The following TMEM232 variants were observed in gnomAD, a reference collection of about 807,000 sequenced individuals.
TMEM232 encodes the protein transmembrane protein 232.
A neutral mutation model predicts 78.8 loss-of-function variants in TMEM232; 80 were observed. The observed-to-expected ratio is 1.01, with a 90% CI of 0.85 to 1.22. TMEM232 has a LOEUF of 1.22. TMEM232 is among the 50% of genes most tolerant of loss of function. The pLI is 0.00. For synonymous variants in TMEM232, 297 were observed against 254.3 expected (o/e 1.17, Z -1.60); for missense variants, 881 against 742.2 (o/e 1.19, Z -2.17).
intron 10 of TMEM232, among the ~76,000 whole-genome samples, chr5:110,590,137 T>TA (rs1182242521): frequency 6.6e-6 from 1 of 152,092 alleles, no homozygotes; most frequent in Admixed American, 6.6e-5. Flanking sequence ...TTCTATTCAA[T>TA]AAAAAACCAC....
chr5:110,519,011 A>G (rs935365482), intron 12 of TMEM232, among the ~76,000 whole-genome samples: 2 of 152,196 alleles, frequency 1.3e-5, no homozygotes, highest in African/African-American at 4.8e-5. Flanking sequence ...AAAAAATTCA[A>G]ATACACAAAA....
chr5:110,494,318 ATAGAT>A (rs1230028781), intron 12 of TMEM232, among the ~76,000 whole-genome samples: 1 of 152,190 alleles, frequency 6.6e-6, no homozygotes, highest in African/African-American at 2.4e-5. Context: ...AATGAAAAGA[ATAGAT>A]ATTCCAGAAG....
rs1397761114 is a variant in TMEM232 at position 110,476,381 on chromosome 5, AT to A, written c.1704-51466del. Among the ~76,000 whole-genome samples the A allele has an allele frequency of 2.6e-5, 4 of 151,948 alleles. No individual in the cohort carries two copies. The East Asian group carries it at 5.8e-4, about 22-fold the overall frequency. On this transcript the variant is annotated intron_variant, in intron 12 of 13. Coordinates refer to ENST00000455884, the MANE Select transcript of TMEM232 (RefSeq NM_001039763.4). Reference sequence around the variant, plus strand: ...TGAGGGGTACAGCCAGAAGGCAGCTATTTTACAAGTCAAAGAAAAGGACTCC... The same window carrying A: ...TGAGGGGTACAGCCAGAAGGCAGCTATTTACAAGTCAAAGAAAAGGACTCC...
At chr5:110,677,978 T>G (rs1415023015) in intron 1 of TMEM232, among the ~76,000 whole-genome samples, 4 of 148,712 alleles carry the variant, frequency 2.7e-5, no homozygotes, top group Non-Finnish European at 5.9e-5. Context: ...GAAAGATTAC[T>G]GGTCACATTA....
At chr5:110,428,993 T>A (rs565301962) in intron 12 of TMEM232, among the ~76,000 whole-genome samples, 1 of 151,794 alleles carries the variant, frequency 6.6e-6, no homozygotes, top group Non-Finnish European at 1.5e-5. Flanking sequence ...GGGACTGAGA[T>A]TACATTGAAG....
intron 8 of TMEM232, among the ~76,000 whole-genome samples, chr5:110,615,425 G>A (rs1257135382): frequency 2.0e-5 from 3 of 151,802 alleles, no homozygotes. Flanking sequence ...TCAAAACTGT[G>A]ATCCTCTTTA....
intron 2 of TMEM232, among the ~76,000 whole-genome samples, chr5:110,398,616 G>A (rs190133834): frequency 3.9e-5 from 6 of 152,274 alleles, no homozygotes; most frequent in Admixed American, 3.9e-4. Context: ...CAATGAGATT[G>A]TAAAGGGTAT....
chr5:110,618,324 C>A, intron 8 of TMEM232, 105 bp downstream of exon 8: 1 of 1,389,994 alleles, frequency 7.2e-7, no homozygotes, highest in South Asian at 1.4e-5. Context: ...AAATTTGTTT[C>A]ATAGTCAACT....
rs555784735 is a variant in TMEM232 at position 110,464,815 on chromosome 5, T to C, written c.1704-39899A>G. Among the ~76,000 whole-genome samples the C allele has an allele frequency of 2.6e-5, 4 of 152,320 alleles. No homozygotes were observed. In the South Asian group the frequency reaches 8.3e-4, roughly 32 times the overall value. On this transcript the variant is annotated intron_variant, in intron 12 of 13. Coordinates refer to ENST00000455884, the MANE Select transcript of TMEM232 (RefSeq NM_001039763.4). ...CATAAATCTATGATCTAGCTATCAATCTATGTATCTATCTGTGTATCTATC... is the reference window on the plus strand; with the variant it reads ...CATAAATCTATGATCTAGCTATCAACCTATGTATCTATCTGTGTATCTATC...
intron 12 of TMEM232, among the ~76,000 whole-genome samples, chr5:110,463,571 A>C (rs1761761532): frequency 6.6e-6 from 1 of 152,204 alleles, no homozygotes; most frequent in African/African-American, 2.4e-5. Context: ...TAAATATATT[A>C]TTCTTAATCA....
intron 2 of TMEM232, among the ~76,000 whole-genome samples, chr5:110,401,864 C>T (rs921513427): frequency 6.6e-6 from 1 of 152,024 alleles, no homozygotes; most frequent in Non-Finnish European, 1.5e-5. Context: ...GTCTGACAAG[C>T]GGTGATTGTC....
intron 11 of TMEM232, among the ~76,000 whole-genome samples, chr5:110,545,885 G>A (rs1258314191): frequency 6.6e-6 from 1 of 152,100 alleles, no homozygotes; most frequent in African/African-American, 2.4e-5. Context: ...AGCATATGCT[G>A]CTGAATTGCC....
chr5:110,677,204 C>G (rs1792133042), intron 1 of TMEM232, among the ~76,000 whole-genome samples: 1 of 151,756 alleles, frequency 6.6e-6, no homozygotes, highest in Non-Finnish European at 1.5e-5. Flanking sequence ...TGAGAAATGT[C>G]TATACAGGTT....
At chr5:110,416,323 A>G (rs992553418), downstream of TMEM232, among the ~76,000 whole-genome samples, 5 of 152,170 alleles carry the variant, frequency 3.3e-5, no homozygotes, top group African/African-American at 1.2e-4. Flanking sequence ...TCATGACTCT[A>G]CCTTCCTTTG....
intron 12 of TMEM232, among the ~76,000 whole-genome samples, chr5:110,429,479 C>T (rs543320836): frequency 7.3e-5 from 11 of 151,664 alleles, no homozygotes; most frequent in Non-Finnish European, 1.2e-4. Context: ...GTGAGTGTCC[C>T]GTTAGGCAGG....
At chr5:110,459,251 A>G (rs1761232962) in intron 12 of TMEM232, among the ~76,000 whole-genome samples, 1 of 152,154 alleles carries the variant, frequency 6.6e-6, no homozygotes, top group African/African-American at 2.4e-5. Flanking sequence ...GGCAAGGTAA[A>G]ACTATCTTTA....
At chr5:110,441,736 T>C (rs778924313) in intron 12 of TMEM232, among the ~76,000 whole-genome samples, 2 of 152,214 alleles carry the variant, frequency 1.3e-5, no homozygotes, top group Non-Finnish European at 1.5e-5. Context: ...GGATGGACTT[T>C]GGCTAACAGC....
chr5:110,528,912 T>C, intron 11 of TMEM232, 77 bp from the exon 12 acceptor site: 1 of 1,174,006 alleles, frequency 8.5e-7, no homozygotes, highest in Non-Finnish European at 1.1e-6. Context: ...TATTAAATTT[T>C]TTAAAGTATC....
At position 110,420,705 on chromosome 5, in the gene TMEM232, G is replaced by A; in HGVS notation, c.1849C>T (p.Gln617Ter). ...REKEDAICKA[Q>*]ELKDKKLAEK... ...GCTAACTTTTTATCTTTAAGTTCTT[G>A]GGCCTTGCATATTGCATCTTCTTTT... Residue 617 changes from glutamine to a stop codon, truncating the protein, a stop_gained, in exon 14 of 14, where the codon CAA becomes TAA. Transcript: ENST00000455884. LOFTEE classifies it low-confidence loss of function (END_TRUNC). 1 of 1,525,846 alleles carries A rather than the reference G, an allele frequency of 6.6e-7. No individual in the cohort carries two copies. The highest frequency in any genetic ancestry group is 8.7e-7 in the Non-Finnish European group (1 of 1,143,598). The allele number at this position is 1,525,846 out of a possible 1,614,324, so 94.5% of individuals were successfully genotyped here.
Sources: allele counts gnomAD v4.1 joint callset (sites outside exome capture counted in the v4.1 genomes callset), GRCh38; gene constraint gnomAD v4.1.1; transcripts MANE v1.5; gene names NCBI Gene and HGNC (gene_info 2026-07-23, HGNC 2026-07-21).